Variants in LRRC20 observed in about 807,000 individuals in gnomAD.
The protein encoded by LRRC20 is leucine rich repeat containing 20.
LRRC20 carries 11 observed loss-of-function variants against 14.4 expected under a neutral mutation model. The observed-to-expected ratio is 0.77, with a 90% CI of 0.48 to 1.27. LRRC20 has a LOEUF of 1.27. Ranked by LOEUF, LRRC20 falls within the 50% of genes most tolerant of loss-of-function variation. The probability of loss-of-function intolerance (pLI) is 0.00; values close to 1 mark genes in which losing one functional copy is unlikely to be tolerated. For missense variants in LRRC20, 219 were observed against 251.2 expected, an observed-to-expected ratio of 0.87 and a Z score of 0.87; for synonymous variants, 121 against 107.3, an observed-to-expected ratio of 1.13 and a Z score of -0.79.
chr10:70,351,992 C>T (rs1392397545), intron 2 of LRRC20, among the ~76,000 whole-genome samples: 2 of 152,120 alleles, frequency 1.3e-5, no homozygotes, highest in East Asian at 1.9e-4. Context: ...GAGCAAGTTC[C>T]AGCTTTTCTC....
intron 2 of LRRC20, among the ~76,000 whole-genome samples, chr10:70,348,549 A>G (rs1230828538): frequency 1.3e-5 from 2 of 152,230 alleles, no homozygotes; most frequent in African/African-American, 2.4e-5. Flanking sequence ...GACTTGCCCC[A>G]GGTCATATAG....
intron 2 of LRRC20, among the ~76,000 whole-genome samples, chr10:70,365,207 G>A (rs886529242): frequency 2.0e-5 from 3 of 152,098 alleles, no homozygotes; most frequent in African/African-American, 7.2e-5. Flanking sequence ...TTACAGGCGT[G>A]TGCCACCAAG....
rs1178166852 is a variant in LRRC20 at position 70,337,997 on chromosome 10, C to T, written c.232+2556G>A. Among the ~76,000 whole-genome samples, 3 of 152,218 alleles carry T rather than the reference C, an allele frequency of 2.0e-5. No individual in the cohort carries two copies. The East Asian group carries it at 5.8e-4, about 29-fold the overall frequency. On this transcript the variant is annotated intron_variant, in intron 3 of 4. Coordinates refer to ENST00000446961, the MANE Select transcript of LRRC20 (RefSeq NM_001278212.2). ...AATCATTCTATCCTCCTCGGGAAAG[C>T]AAACATCCAATCCCAATTGGCTGAG...
chr10:70,372,523 G>C (rs1340146102), intron 2 of LRRC20, among the ~76,000 whole-genome samples: 12 of 145,956 alleles, frequency 8.2e-5, no homozygotes, highest in Non-Finnish European at 1.5e-4. Flanking sequence ...CTCACTGCAG[G>C]CTCCACCTCC....
intron 2 of LRRC20, among the ~76,000 whole-genome samples, chr10:70,342,291 C>G (rs7900611): frequency 0.51 from 76,524 of 150,536 alleles, 20,158 homozygotes; most frequent in Admixed American, 0.59. Flanking sequence ...ACCTGGGCAA[C>G]AGAGTGAGAC....
Position 70,301,444 on chromosome 10 carries a change from T to C in LRRC20, c.465A>G (p.Pro155=). ...CGATCACGCGCACCTCGGCGTTGAG[T>C]GGGTTGAAGCGGAGGTTGATGCTGC... ...ALRSINLRFN[P]LNAEVRVIAP... Residue 155 remains proline, a synonymous_variant, in exon 5 of 5, where the codon CCA becomes CCG. Coordinates refer to ENST00000446961, the MANE Select transcript of LRRC20 (RefSeq NM_001278212.2). 6.2e-7 allele frequency: 1 copy of C among 1,613,870 alleles called. No homozygotes were observed. Among genetic ancestry groups the C allele is most frequent in the Admixed American group, 1.7e-5 (1 of 60,008 alleles).
At chr10:70,379,394 G>C (rs1051463595) in intron 1 of LRRC20, among the ~76,000 whole-genome samples, 12 of 152,120 alleles carry the variant, frequency 7.9e-5, no homozygotes, top group African/African-American at 2.7e-4. Context: ...ACCCAAGAGG[G>C]GAGGCAAATC....
At chr10:70,329,252 G>A (rs1029161652) in intron 3 of LRRC20, among the ~76,000 whole-genome samples, 3 of 152,166 alleles carry the variant, frequency 2.0e-5, no homozygotes, top group African/African-American at 7.2e-5. Context: ...ATTTCAGATC[G>A]CTAGGAAGGC....
Position 70,301,081 on chromosome 10 carries a change from G to T in LRRC20, c.*273C>A. 1 of 1,252,130 alleles carries T rather than the reference G, an allele frequency of 8.0e-7. No homozygotes were observed. The highest frequency in any genetic ancestry group is 1.0e-6 in the Non-Finnish European group (1 of 997,534). The allele number at this position is 1,252,130 out of a possible 1,614,324, so 77.6% of individuals were successfully genotyped here. On this transcript the variant is annotated 3_prime_UTR_variant, in exon 5 of 5. Transcript: ENST00000446961. ...GGTCCTGTTTTTTTCAAGTGACAAG[G>T]CTCAGAGAGGGCAGGAGATCTGCCT...
intron 2 of LRRC20, among the ~76,000 whole-genome samples, chr10:70,361,622 T>A (rs1332324795): frequency 1.3e-5 from 2 of 152,088 alleles, no homozygotes; most frequent in African/African-American, 4.8e-5. Flanking sequence ...ATACAAAGAT[T>A]TGGGGAAAGG....
At chr10:70,329,296 A>G (rs1308470306) in intron 3 of LRRC20, among the ~76,000 whole-genome samples, 1 of 152,214 alleles carries the variant, frequency 6.6e-6, no homozygotes, top group Non-Finnish European at 1.5e-5. Context: ...CCAGTTCGGC[A>G]AAAAGCCCAG....
At chr10:70,321,280 C>G (rs1842066871) in intron 4 of LRRC20, among the ~76,000 whole-genome samples, 1 of 152,198 alleles carries the variant, frequency 6.6e-6, no homozygotes. Flanking sequence ...GAGTGCAGAA[C>G]TATTTCCATA....
intron 2 of LRRC20, among the ~76,000 whole-genome samples, chr10:70,358,624 C>T (rs1248866386): frequency 6.6e-6 from 1 of 152,224 alleles, no homozygotes; most frequent in Non-Finnish European, 1.5e-5. Context: ...GCATGGCTGG[C>T]CTCAACCACC....
intron 2 of LRRC20, among the ~76,000 whole-genome samples, chr10:70,342,983 C>T (rs2137028613): frequency 6.6e-6 from 1 of 152,330 alleles, no homozygotes; most frequent in Admixed American, 6.5e-5. Context: ...CTCAATATTT[C>T]TATATGCCAG....
At chr10:70,336,341 C>T (rs1273807556) in intron 3 of LRRC20, among the ~76,000 whole-genome samples, 1 of 152,194 alleles carries the variant, frequency 6.6e-6, no homozygotes. Context: ...CACTCACAAC[C>T]CGCAGCAGCC....
At chr10:70,354,906 C>T (rs1362987895) in intron 2 of LRRC20, among the ~76,000 whole-genome samples, 1 of 152,212 alleles carries the variant, frequency 6.6e-6, no homozygotes, top group Non-Finnish European at 1.5e-5. Flanking sequence ...ATCCCAGCCC[C>T]TCCACTATCA....
intron 1 of LRRC20, among the ~76,000 whole-genome samples, chr10:70,378,560 G>A (rs568644052): frequency 6.6e-6 from 1 of 151,840 alleles, no homozygotes; most frequent in Non-Finnish European, 1.5e-5. Context: ...GCCGAGGTGG[G>A]CAGATCACCT....
chr10:70,317,121 G>A (rs1454777065), intron 4 of LRRC20, among the ~76,000 whole-genome samples: 2 of 152,242 alleles, frequency 1.3e-5, no homozygotes, highest in Admixed American at 6.5e-5. Context: ...CAGGAGAGAA[G>A]TGCCACAGGT....
chr10:70,359,600 C>A (rs1231607850), intron 2 of LRRC20, among the ~76,000 whole-genome samples: 3 of 152,216 alleles, frequency 2.0e-5, no homozygotes, highest in African/African-American at 7.2e-5. Context: ...AGCCTAGCAT[C>A]CACACAGAAG....
Sources: allele counts gnomAD v4.1 joint callset (sites outside exome capture counted in the v4.1 genomes callset), GRCh38; gene constraint gnomAD v4.1.1; transcripts MANE v1.5; gene names NCBI Gene and HGNC (gene_info 2026-07-23, HGNC 2026-07-21).